The following XIRP2 variants were observed in gnomAD, a reference collection of about 807,000 sequenced individuals.
XIRP2 encodes xin actin-binding repeat-containing protein 2.
Under a neutral mutation model 277.0 loss-of-function variants are expected in XIRP2, and 236 were observed. That is an observed-to-expected ratio of 0.85 (90% confidence interval 0.77 to 0.95). The LOEUF is 0.95. XIRP2 is among the 40% of genes least tolerant of loss of function. The pLI is 0.00. For synonymous variants in XIRP2, 1,490 were observed against 1,416.5 expected, an observed-to-expected ratio of 1.05 and a Z score of -1.17; for missense variants, 4,640 against 4,157.5, an observed-to-expected ratio of 1.12 and a Z score of -3.19.
intron 4 of XIRP2, among the ~76,000 whole-genome samples, chr2:167,211,210 G>C (rs1482694055): frequency 6.6e-6 from 1 of 152,030 alleles, no homozygotes; most frequent in Non-Finnish European, 1.5e-5. Flanking sequence ...TGATTCTCTT[G>C]CCTCAGCCTC....
intron 5 of XIRP2, among the ~76,000 whole-genome samples, chr2:167,220,748 A>C (rs1694400398): frequency 6.6e-6 from 1 of 152,232 alleles, no homozygotes; most frequent in South Asian, 2.1e-4. Context: ...TGATTGGCTT[A>C]GACCTCTGTA....
chr2:167,167,995 G>C (rs1453496347), intron 3 of XIRP2, among the ~76,000 whole-genome samples: 1 of 152,014 alleles, frequency 6.6e-6, no homozygotes, highest in South Asian at 2.1e-4. Context: ...TGAAGGACAG[G>C]ATACATAATT....
intron 2 of XIRP2, among the ~76,000 whole-genome samples, chr2:166,925,597 A>ATATAAG (rs1685164077): frequency 1.4e-4 from 2 of 14,346 alleles, no homozygotes; most frequent in Admixed American, 1.3e-3. Flanking sequence ...GTGTATATAC[A>ATATAAG]TATATATATA....
chr2:167,004,568 G>T (rs1687456860), intron 2 of XIRP2, among the ~76,000 whole-genome samples: 2 of 151,940 alleles, frequency 1.3e-5, no homozygotes, highest in South Asian at 4.2e-4. Flanking sequence ...CGGCTGTGTA[G>T]CAACGTAAGG....
At chr2:166,972,699 A>T (rs912891488) in intron 2 of XIRP2, among the ~76,000 whole-genome samples, 1 of 152,214 alleles carries the variant, frequency 6.6e-6, no homozygotes, top group East Asian at 1.9e-4. Flanking sequence ...TAAGGAATTT[A>T]TACAGTCAGA....
intron 2 of XIRP2, among the ~76,000 whole-genome samples, chr2:166,941,436 G>A (rs1007729138): frequency 2.0e-5 from 3 of 152,150 alleles, no homozygotes; most frequent in African/African-American, 7.2e-5. Flanking sequence ...ACGCTCAGTG[G>A]GCTATATCCA....
intron 8 of XIRP2, 49 bp from the exon 9 acceptor site, chr2:167,242,520 T>G: frequency 6.5e-7 from 1 of 1,546,556 alleles, no homozygotes; most frequent in East Asian, 2.3e-5. Flanking sequence ...CTAGGAAGCC[T>G]CTGCCACTAC....
chr2:166,952,080 A>T (rs547332918), intron 2 of XIRP2, among the ~76,000 whole-genome samples: 1 of 152,142 alleles, frequency 6.6e-6, no homozygotes. Flanking sequence ...GAGTCAATAA[A>T]GGAAGCTTCA....
chr2:167,136,099 T>C (rs1691543563), intron 3 of XIRP2, 37 bp downstream of exon 3: 1 of 1,531,392 alleles, frequency 6.5e-7, no homozygotes, highest in East Asian at 2.3e-5. Flanking sequence ...CTTGACATCA[T>C]ACCTTGTACA....
Position 167,154,798 on chromosome 2 carries a change from A to T in XIRP2, c.562+18736A>T, listed in dbSNP as rs533678611. Reference sequence around the variant, plus strand: ...CAAAAAACCCTTCAAAAAATTAATGAATCCAGGAGCTGGTTTTTTGAAAGG... The same window carrying T: ...CAAAAAACCCTTCAAAAAATTAATGTATCCAGGAGCTGGTTTTTTGAAAGG... On this transcript the variant is annotated intron_variant, in intron 3 of 10. Coordinates refer to ENST00000409195, the MANE Select transcript of XIRP2 (RefSeq NM_152381.6). Among the ~76,000 whole-genome samples the T allele has an allele frequency of 3.1e-4, 47 of 152,266 alleles. No individual in the cohort carries two copies. In the South Asian group the frequency reaches 9.5e-3, roughly 31 times the overall value.
In XIRP2 at chr2:166,897,132, C is replaced by T. The variant is rs1291911057; in HGVS notation, c.-18-6333C>T. Among the ~76,000 whole-genome samples, 3 of 152,192 alleles carry T rather than the reference C, an allele frequency of 2.0e-5. No individual in the cohort carries two copies. In the East Asian group the frequency reaches 5.8e-4, roughly 29 times the overall value. On this transcript the variant is annotated intron_variant, in intron 1 of 10. Coordinates refer to ENST00000409195, the MANE Select transcript of XIRP2 (RefSeq NM_152381.6). ...TAAGCAACACACTACTGTCCTTGTA[C>T]TTCTTTCTTTCTGAAAGACTTTTCA...
chr2:167,048,199 T>C (rs1019487194), intron 2 of XIRP2, among the ~76,000 whole-genome samples: 1 of 152,018 alleles, frequency 6.6e-6, no homozygotes, highest in Non-Finnish European at 1.5e-5. Context: ...TCCATTCTTC[T>C]GCATATGCAT....
intron 1 of XIRP2, among the ~76,000 whole-genome samples, chr2:166,901,869 G>T (rs1684394758): frequency 6.6e-6 from 1 of 151,958 alleles, no homozygotes; most frequent in Admixed American, 6.6e-5. Flanking sequence ...ATGGCTTTGT[G>T]TCTTAAAATA....
chr2:166,955,299 A>T (rs1186545015), intron 2 of XIRP2, among the ~76,000 whole-genome samples: 2 of 151,998 alleles, frequency 1.3e-5, no homozygotes, highest in South Asian at 4.1e-4. Context: ...GCTAAGTGAA[A>T]AAAGGGAAAC....
At chr2:166,963,701 C>T (rs1686355650) in intron 2 of XIRP2, among the ~76,000 whole-genome samples, 1 of 151,724 alleles carries the variant, frequency 6.6e-6, no homozygotes, top group Non-Finnish European at 1.5e-5. Context: ...AGAAAGAAGA[C>T]CAGCATAGCT....
chr2:166,962,443 T>C (rs1436097068), intron 2 of XIRP2, among the ~76,000 whole-genome samples: 2 of 151,694 alleles, frequency 1.3e-5, no homozygotes, highest in East Asian at 1.9e-4. Flanking sequence ...TACATCAAGA[T>C]TGATTTGTTT....
At chr2:167,078,366 C>T (rs1239932623) in intron 2 of XIRP2, among the ~76,000 whole-genome samples, 1 of 152,136 alleles carries the variant, frequency 6.6e-6, no homozygotes, top group Non-Finnish European at 1.5e-5. Flanking sequence ...AGTTCAAGGA[C>T]GCTTTTCAGT....
chr2:166,897,896 C>A (rs1173439116), intron 1 of XIRP2, among the ~76,000 whole-genome samples: 1 of 152,004 alleles, frequency 6.6e-6, no homozygotes, highest in Non-Finnish European at 1.5e-5. Context: ...CAGGGGCTTG[C>A]AGAGAGAGAA....
chr2:167,254,647 A>G (rs73972224), intron 10 of XIRP2, among the ~76,000 whole-genome samples: 26,110 of 151,832 alleles, frequency 0.17, 2,716 homozygotes, highest in African/African-American at 0.29. Context: ...CTGTGTTCCA[A>G]TAAAACTTCA....
Sources: allele counts gnomAD v4.1 joint callset (sites outside exome capture counted in the v4.1 genomes callset), GRCh38; gene constraint gnomAD v4.1.1; transcripts MANE v1.5; gene names NCBI Gene and HGNC (gene_info 2026-07-23, HGNC 2026-07-21).